NCKAP5: variants seen among roughly 807,000 people sequenced by gnomAD.
NCKAP5 encodes nck-associated protein 5.
Under a neutral mutation model 167.0 loss-of-function variants are expected in NCKAP5, and 92 were observed. The observed-to-expected ratio is 0.55, with a 90% confidence interval of 0.47 to 0.66. The LOEUF is 0.66. Ranked by LOEUF, NCKAP5 falls within the 30% of genes least tolerant of loss-of-function variation. The pLI, the probability that NCKAP5 is intolerant of heterozygous loss-of-function variation, is 0.00. For missense variants in NCKAP5, 2,378 were observed against 2,315.0 expected, an observed-to-expected ratio of 1.03 and a Z score of -0.56; for synonymous variants, 891 against 877.4, an observed-to-expected ratio of 1.02 and a Z score of -0.27.
At chr2:133,518,091 T>C (rs1331942848) in intron 2 of NCKAP5, among the ~76,000 whole-genome samples, 1 of 152,200 alleles carries the variant, frequency 6.6e-6, no homozygotes, top group Non-Finnish European at 1.5e-5. Flanking sequence ...CATTGTAAGA[T>C]ACATTCCTTT....
chr2:133,351,574 T>C (rs375013028), intron 3 of NCKAP5, among the ~76,000 whole-genome samples: 6 of 152,312 alleles, frequency 3.9e-5, no homozygotes, highest in African/African-American at 1.4e-4. Context: ...TTCAAAGACA[T>C]CATTTCCTCT....
intron 16 of NCKAP5, among the ~76,000 whole-genome samples, chr2:132,760,053 C>T (rs191869006): frequency 2.0e-4 from 31 of 152,124 alleles, no homozygotes; most frequent in Non-Finnish European, 4.1e-4. Context: ...AATCATTTTC[C>T]TTAACAATAT....
intron 2 of NCKAP5, among the ~76,000 whole-genome samples, chr2:133,538,936 T>G (rs1282929962): frequency 0.25 from 31,687 of 127,424 alleles, 4,613 homozygotes; most frequent in East Asian, 0.37. Flanking sequence ...TTTGGGTTTT[T>G]TTTTTTTTTT....
intron 8 of NCKAP5, among the ~76,000 whole-genome samples, chr2:132,958,156 C>T (rs141758180): frequency 9.9e-5 from 15 of 152,196 alleles, no homozygotes; most frequent in African/African-American, 2.2e-4. Context: ...CACAGGGTTA[C>T]GAACATGAAA....
At chr2:133,139,140 G>A (rs1255221330) in intron 5 of NCKAP5, among the ~76,000 whole-genome samples, 1 of 152,148 alleles carries the variant, frequency 6.6e-6, no homozygotes, top group Non-Finnish European at 1.5e-5. Flanking sequence ...AAGAAAATCT[G>A]TATTTCCCTC....
intron 4 of NCKAP5, among the ~76,000 whole-genome samples, chr2:133,256,526 C>T (rs2088626796): frequency 1.3e-5 from 2 of 151,886 alleles, no homozygotes; most frequent in South Asian, 4.2e-4. Context: ...GAAAATTATC[C>T]TAAGTCCACA....
intron 16 of NCKAP5, among the ~76,000 whole-genome samples, chr2:132,752,140 A>G (rs535129396): frequency 6.6e-6 from 1 of 152,372 alleles, no homozygotes; most frequent in South Asian, 2.1e-4. Flanking sequence ...AGTTTGCTCT[A>G]AAACCCAAAT....
At chr2:132,984,445 A>G (rs1037574204) in intron 7 of NCKAP5, among the ~76,000 whole-genome samples, 1 of 152,148 alleles carries the variant, frequency 6.6e-6, no homozygotes, top group Non-Finnish European at 1.5e-5. Context: ...CTGCCTCCTC[A>G]GATATGCCTG....
intron 6 of NCKAP5, among the ~76,000 whole-genome samples, chr2:133,073,673 AC>A (rs1350528109): frequency 6.6e-6 from 1 of 152,184 alleles, no homozygotes; most frequent in African/African-American, 2.4e-5. Context: ...TCAATGAAAG[AC>A]CCAGGATACA....
intron 19 of NCKAP5, among the ~76,000 whole-genome samples, chr2:132,698,037 C>A (rs541395396): frequency 3.2e-4 from 48 of 152,278 alleles, no homozygotes; most frequent in Non-Finnish European, 4.9e-4. Context: ...TGCAGGAACT[C>A]ACTGCTTACT....
intron 3 of NCKAP5, among the ~76,000 whole-genome samples, chr2:133,345,641 A>G (rs1264838844): frequency 1.3e-5 from 2 of 152,216 alleles, no homozygotes; most frequent in Admixed American, 6.5e-5. Context: ...AAAGGTGGTG[A>G]TGGAACCAAA....
At chr2:133,091,691 T>C (rs2081190156) in intron 6 of NCKAP5, among the ~76,000 whole-genome samples, 1 of 152,008 alleles carries the variant, frequency 6.6e-6, no homozygotes, top group African/African-American at 2.4e-5. Context: ...ATCGAGACCA[T>C]CCTGACTAAC....
intron 15 of NCKAP5, among the ~76,000 whole-genome samples, chr2:132,779,310 C>CCAA (rs1558758195): frequency 2.6e-5 from 4 of 152,050 alleles, no homozygotes; most frequent in Non-Finnish European, 5.9e-5. Context: ...TACTTCTGTA[C>CCAA]AGTGAAGATA....
At chr2:133,012,238 C>T (rs2078183327) in intron 6 of NCKAP5, among the ~76,000 whole-genome samples, 1 of 152,046 alleles carries the variant, frequency 6.6e-6, no homozygotes, top group Admixed American at 6.6e-5. Context: ...GATCACTATA[C>T]TTACAGTGGT....
At chr2:133,586,972 T>C in the NCKAP5 span, among the ~76,000 whole-genome samples, 1 of 152,246 alleles carries the variant, frequency 6.6e-6, no homozygotes, top group East Asian at 1.9e-4. Flanking sequence ...AATCTCTGAA[T>C]TGGACAGTCT....
At chr2:133,043,517 G>A (rs1468692002) in intron 6 of NCKAP5, among the ~76,000 whole-genome samples, 2 of 151,994 alleles carry the variant, frequency 1.3e-5, no homozygotes, top group African/African-American at 4.8e-5. Context: ...GATAGCTGAT[G>A]AGCTAAAAAA....
intron 4 of NCKAP5, among the ~76,000 whole-genome samples, chr2:133,275,320 T>G (rs569686910): frequency 2.6e-5 from 4 of 152,148 alleles, no homozygotes; most frequent in Admixed American, 2.6e-4. Context: ...TTGGATATAT[T>G]TATTAAGTTG....
At chr2:132,792,537 G>T (rs936151833) in intron 12 of NCKAP5, among the ~76,000 whole-genome samples, 1 of 152,156 alleles carries the variant, frequency 6.6e-6, no homozygotes, top group Non-Finnish European at 1.5e-5. Flanking sequence ...TCTCCTGTCT[G>T]TCCTCTCATA....
chr2:133,398,278 ACTG>A (rs891712226), intron 3 of NCKAP5, among the ~76,000 whole-genome samples: 1 of 152,210 alleles, frequency 6.6e-6, no homozygotes, highest in African/African-American at 2.4e-5. Flanking sequence ...CATCTGTCAC[ACTG>A]CTATGTGATA....
Sources: gnomAD v4.1 joint callset for allele counts (sites outside exome capture counted in the v4.1 genomes callset) on GRCh38, gnomAD v4.1.1 for gene constraint, MANE v1.5 for transcripts, NCBI Gene and HGNC (gene_info 2026-07-23, HGNC 2026-07-21) for gene names.